Variants in ATP11C observed in about 807,000 individuals in gnomAD.
The protein encoded by ATP11C is ATPase phospholipid transporting 11C (ATP11C blood group), also known as phospholipid-transporting ATPase IG.
ATP11C carries 36 observed loss-of-function variants against 97.4 expected under a neutral mutation model. The ratio of observed to expected loss-of-function variants is 0.37; its 90% CI spans 0.28 to 0.49. The LOEUF (loss-of-function observed/expected upper bound fraction) is 0.49. ATP11C is among the 20% of genes least tolerant of loss of function. ATP11C has a pLI of 0.98. For missense variants in ATP11C, 730 were observed against 824.6 expected (o/e 0.89, Z 1.40); for synonymous variants, 275 against 290.9 (o/e 0.95, Z 0.56).
At chrX:139,793,738 T>C (rs1253721364) in intron 12 of ATP11C, among the ~76,000 whole-genome samples, 1 of 112,000 alleles carries the variant, frequency 8.9e-6, no homozygotes, top group Non-Finnish European at 1.9e-5. Context: ...AGGTGCTATA[T>C]ACATGGTGAC....
At chrX:139,866,770 G>T (rs2084294644) in intron 1 of ATP11C, among the ~76,000 whole-genome samples, 1 of 110,404 alleles carries the variant, frequency 9.1e-6, no homozygotes, top group Admixed American at 9.7e-5. Flanking sequence ...TAACAGTCTG[G>T]CTCCAAACAC....
intron 1 of ATP11C, among the ~76,000 whole-genome samples, chrX:139,830,851 A>G (rs1019807438): frequency 1.8e-5 from 2 of 111,399 alleles, no homozygotes; most frequent in Non-Finnish European, 1.9e-5. Flanking sequence ...GCATTTCATC[A>G]AAATTTCAGA....
chrX:139,779,436 C>T (rs1176274225), intron 18 of ATP11C, among the ~76,000 whole-genome samples: 1 of 112,002 alleles, frequency 8.9e-6, no homozygotes, highest in African/African-American at 3.2e-5. Context: ...GGGGAACTCT[C>T]AAGACCACAT....
chrX:139,853,008 G>A (rs1051554548), intron 1 of ATP11C, among the ~76,000 whole-genome samples: 7 of 111,403 alleles, frequency 6.3e-5, no homozygotes, highest in African/African-American at 2.0e-4. Flanking sequence ...CCTGGTGTGA[G>A]GGGTTGAGCC....
At chrX:139,885,256 A>G (rs1325481320) in intron 1 of ATP11C, among the ~76,000 whole-genome samples, 1 of 110,933 alleles carries the variant, frequency 9.0e-6, no homozygotes, top group East Asian at 2.8e-4. Context: ...GGTTTTATCC[A>G]AAACACCTGC....
chrX:139,857,518 C>T (rs1328992749), intron 1 of ATP11C, among the ~76,000 whole-genome samples: 1 of 111,457 alleles, frequency 9.0e-6, no homozygotes, highest in Admixed American at 9.6e-5. Context: ...TAACTCATTC[C>T]GATTACCTGC....
chrX:139,843,851 T>C (rs888189534), intron 1 of ATP11C, among the ~76,000 whole-genome samples: 2 of 110,663 alleles, frequency 1.8e-5, no homozygotes, highest in African/African-American at 6.6e-5. Flanking sequence ...GTTAGTTGTG[T>C]TATATAGCAC....
chrX:139,792,482 G>A (rs778085580), intron 12 of ATP11C, among the ~76,000 whole-genome samples: 1 of 110,914 alleles, frequency 9.0e-6, no homozygotes, highest in Middle Eastern at 4.7e-3. Context: ...AGAAGCATAC[G>A]TTACAACCTG....
chrX:139,875,642 T>A (rs942475883), intron 1 of ATP11C, among the ~76,000 whole-genome samples: 8 of 111,181 alleles, frequency 7.2e-5, no homozygotes, highest in Non-Finnish European at 1.5e-4. Flanking sequence ...AGCATGAACC[T>A]GGAGAGCATT....
intron 24 of ATP11C, among the ~76,000 whole-genome samples, chrX:139,748,750 A>G (rs1376969512): frequency 1.8e-5 from 2 of 111,833 alleles, no homozygotes. Flanking sequence ...AGACTGGGAG[A>G]AATTTTACAA....
intron 20 of ATP11C, among the ~76,000 whole-genome samples, chrX:139,763,823 A>G (rs1013959221): frequency 3.6e-5 from 4 of 112,167 alleles, no homozygotes; most frequent in African/African-American, 1.3e-4. Flanking sequence ...CAACTGTAAT[A>G]TGTACAATAG....
chrX:139,931,528 T>C (rs1017539835), intron 1 of ATP11C, among the ~76,000 whole-genome samples: 16 of 112,550 alleles, frequency 1.4e-4, no homozygotes, highest in African/African-American at 5.2e-4. Context: ...GGCTGAGCCC[T>C]AGGCAAGGCT....
chrX:139,911,601 CGTAT>C (rs2085076146), intron 1 of ATP11C, among the ~76,000 whole-genome samples: 1 of 111,328 alleles, frequency 9.0e-6, no homozygotes, highest in Non-Finnish European at 1.9e-5. Context: ...CCTATGATTA[CGTAT>C]GTGAGACTTC....
chrX:139,886,232 C>T, intron 1 of ATP11C, among the ~76,000 whole-genome samples: 1 of 109,526 alleles, frequency 9.1e-6, no homozygotes, highest in South Asian at 3.9e-4. Flanking sequence ...CCTTGCCTTG[C>T]TATAAAAAAA....
intron 1 of ATP11C, among the ~76,000 whole-genome samples, chrX:139,848,461 A>G (rs2048545692): frequency 9.2e-6 from 1 of 108,963 alleles, no homozygotes; most frequent in Non-Finnish European, 1.9e-5. Flanking sequence ...CTTCTACTAC[A>G]TAGCTCTTTA....
intron 5 of ATP11C, among the ~76,000 whole-genome samples, chrX:139,805,741 T>G (rs758806014): frequency 8.9e-6 from 1 of 112,022 alleles, no homozygotes; most frequent in Non-Finnish European, 1.9e-5. Flanking sequence ...GACTGTGAAA[T>G]GCTAGGTAAT....
At chrX:139,767,366 G>T (rs781023163) in intron 20 of ATP11C, among the ~76,000 whole-genome samples, 3 of 111,466 alleles carry the variant, frequency 2.7e-5, no homozygotes, top group Non-Finnish European at 5.6e-5. Flanking sequence ...ATGACAAAAG[G>T]TAGGACCAAC....
rs770988399 is a variant in ATP11C, at chrX:139,906,725, T to C, written c.27+25291A>G. Among the ~76,000 whole-genome samples the C allele has an allele frequency of 2.5e-4, 27 of 108,570 alleles. No homozygotes were observed. The South Asian group carries it at 9.3e-3, about 38-fold the overall frequency. The allele number at this position is 108,570 out of a possible 115,157, so 94.3% of individuals were successfully genotyped here. On this transcript the variant is annotated intron_variant, in intron 1 of 29. Coordinates refer to ENST00000682941, the MANE Select transcript of ATP11C (RefSeq NM_001353812.2). ...TGAACCCGGGGAGCAGAGGTTGCAG[T>C]GAGCCGAGATCATACCACTGCACTC...
intron 18 of ATP11C, among the ~76,000 whole-genome samples, chrX:139,781,962 C>T (rs2082468623): frequency 9.0e-6 from 1 of 111,022 alleles, no homozygotes; most frequent in Non-Finnish European, 1.9e-5. Context: ...ATATGGATAG[C>T]TTAGTAAATA....
Sources: allele counts gnomAD v4.1 joint callset (sites outside exome capture counted in the v4.1 genomes callset), GRCh38; gene constraint gnomAD v4.1.1; transcripts MANE v1.5; gene names NCBI Gene and HGNC (gene_info 2026-07-23, HGNC 2026-07-21).